Variants in DDB2 observed in about 807,000 individuals in gnomAD.
DDB2 encodes the protein DNA damage-binding protein 2.
Under a neutral mutation model 50.5 loss-of-function variants are expected in DDB2, and 27 were observed. That is an observed-to-expected ratio of 0.53 (90% CI 0.39 to 0.74). The LOEUF is 0.74. Among genes scored for constraint, DDB2 ranks in the 30% least tolerant of loss-of-function variants. The pLI is 0.00. For missense variants in DDB2, 424 were observed against 545.6 expected (o/e 0.78, Z 2.22); for synonymous variants, 176 against 205.5 (o/e 0.86, Z 1.23).
chr11:47,237,872 G>A lies in DDB2; in HGVS notation c.1059G>A (p.Val353=), dbSNP rs780557154. 1.9e-6 allele frequency: 3 copies of A among 1,614,050 alleles called. No individual in the cohort carries two copies. Among genetic ancestry groups the A allele is most frequent in the African/African-American group, 2.7e-5 (2 of 74,968 alleles). ...ATCCTCGCTACAACCTCATTGTTGT[G>A]GGCCGATACCCAGATCCTAATTTCA... The part of the protein sequence containing the change: ...AWHPRYNLIV[V]GRYPDPNFKS... The change falls in exon 8 of 10, where the codon GTG becomes GTA. Residue 353 remains valine, a synonymous_variant. Coordinates refer to ENST00000256996, the MANE Select transcript of DDB2 (RefSeq NM_000107.3).
At position 47,231,802 on chromosome 11, in the gene DDB2, C is replaced by T. The variant is rs948142423; in HGVS notation, c.457-1012C>T. Among the ~76,000 whole-genome samples, 13 of 152,004 alleles carry T rather than the reference C, an allele frequency of 8.6e-5. No homozygotes were observed. In the East Asian group the frequency reaches 1.5e-3, roughly 18 times the overall value. ...CCCCAGGTGTTGGGATTACTGTGCT[C>T]GGTCTATAGGACATTCTATGAGGGC... On this transcript the variant is annotated intron_variant, in intron 3 of 9. Transcript: ENST00000256996.
Position 47,223,249 on chromosome 11 carries a change from C to CATCA in DDB2, c.456+6200_456+6201insATCA, listed in dbSNP as rs1338545794. On this transcript the variant is annotated intron_variant, in intron 3 of 9. Coordinates refer to ENST00000256996, the MANE Select transcript of DDB2 (RefSeq NM_000107.3). Reference sequence around the variant, plus strand: ...CCTGTAATCCCAGCATTTTGGGGGGCCAAGGCAAGTGGATCATTTGCGATC... The same window carrying CATCA: ...CCTGTAATCCCAGCATTTTGGGGGGCATCACAAGGCAAGTGGATCATTTGCGATC... Among the ~76,000 whole-genome samples the CATCA allele has an allele frequency of 5.1e-3, 776 of 152,278 alleles. 1 individual carries two copies. The highest frequency in any genetic ancestry group is 0.017 in the African/African-American group (724 of 41,558).
intron 3 of DDB2, among the ~76,000 whole-genome samples, chr11:47,228,642 C>CAAA (rs61273211): frequency 1.5e-5 from 1 of 66,944 alleles, no homozygotes; most frequent in African/African-American, 5.5e-5. Flanking sequence ...GACTCTGTCT[C>CAAA]AAAAAAAAAA....
intron 1 of DDB2, chr11:47,215,651 A>G (rs1953390859): frequency 3.0e-6 from 1 of 331,754 alleles, no homozygotes; most frequent in Admixed American, 4.3e-5. Flanking sequence ...CTTCCTCCTT[A>G]GAAAGCTCAT....
At chr11:47,235,142 A>T in intron 6 of DDB2, 128 bp from the exon 7 acceptor site, 2 of 1,421,808 alleles carry the variant, frequency 1.4e-6, no homozygotes, top group Non-Finnish European at 2.0e-6. Flanking sequence ...GCCCAGATTC[A>T]CCTCTTCCTT....
At chr11:47,225,477 A>G (rs936803365) in intron 3 of DDB2, among the ~76,000 whole-genome samples, 23 of 151,918 alleles carry the variant, frequency 1.5e-4, no homozygotes, top group Non-Finnish European at 2.9e-4. Flanking sequence ...CTGTAATCCC[A>G]GCTACTGGGG....
chr11:47,228,956 CAAAA>C (rs58216148), intron 3 of DDB2, among the ~76,000 whole-genome samples: 3 of 94,252 alleles, frequency 3.2e-5, no homozygotes, highest in Admixed American at 1.3e-4. Flanking sequence ...GACTCCATCT[CAAAA>C]AAAAAAAAAA....
At chr11:47,220,377 A>T (rs1034404860) in intron 3 of DDB2, 10 of 152,246 alleles carry the variant, frequency 6.6e-5, no homozygotes, top group African/African-American at 1.9e-4. Flanking sequence ...AGTCTAGGAC[A>T]TGGGAATAGA....
intron 3 of DDB2, among the ~76,000 whole-genome samples, chr11:47,225,946 CT>C (rs1387798175): frequency 6.6e-6 from 1 of 152,148 alleles, no homozygotes; most frequent in Non-Finnish European, 1.5e-5. Flanking sequence ...GCAGAATTTC[CT>C]TTTTTAAGGC....
At chr11:47,214,960 C>A (rs1026324079), upstream of DDB2, 2 of 870,188 alleles carry the variant, frequency 2.3e-6, no homozygotes, top group Non-Finnish European at 3.6e-6. Flanking sequence ...CGGGTGGGGC[C>A]GGAGCTCCAA....
chr11:47,229,582 G>A (rs1424240085), intron 3 of DDB2, among the ~76,000 whole-genome samples: 1 of 152,144 alleles, frequency 6.6e-6, no homozygotes, highest in Non-Finnish European at 1.5e-5. Context: ...AGTATATTGA[G>A]TAAAATGGGA....
At chr11:47,218,348 C>T (rs1953430649) in intron 3 of DDB2, among the ~76,000 whole-genome samples, 1 of 152,138 alleles carries the variant, frequency 6.6e-6, no homozygotes, top group South Asian at 2.1e-4. Flanking sequence ...GAGTGAGGGG[C>T]TTGAAGTGTA....
rs747856764 is a variant in DDB2 at position 47,237,910 on chromosome 11, C to G, written c.1097C>G (p.Pro366Arg). Reference protein sequence around the residue: ...YPDPNFKSCTPYELRTIDVFD... With the variant: ...YPDPNFKSCTRYELRTIDVFD... ...GATCCTAATTTCAAAAGTTGTACCC[C>G]TTATGAATTGAGGACGATCGACGTG... Residue 366 changes from proline to arginine, a missense_variant, in exon 8 of 10, where the codon CCT becomes CGT. Coordinates refer to ENST00000256996, the MANE Select transcript of DDB2 (RefSeq NM_000107.3). 6.2e-6 allele frequency: 10 copies of G among 1,614,036 alleles called. No homozygotes were observed. The South Asian group carries it at 1.1e-4, about 18-fold the overall frequency.
chr11:47,228,998 TATCTATC>T (rs1953604456), intron 3 of DDB2, among the ~76,000 whole-genome samples: 1 of 149,350 alleles, frequency 6.7e-6, no homozygotes, highest in African/African-American at 2.4e-5. Context: ...TCTATCTATC[TATCTATC>T]TATCTATCTA....
chr11:47,225,437 A>C (rs1349236336), intron 3 of DDB2, among the ~76,000 whole-genome samples: 1 of 151,730 alleles, frequency 6.6e-6, no homozygotes. Flanking sequence ...CTAAAAACAC[A>C]AAAAATTAGC....
chr11:47,236,408 G>A (rs369018189), intron 7 of DDB2, among the ~76,000 whole-genome samples: 11 of 152,286 alleles, frequency 7.2e-5, no homozygotes, highest in African/African-American at 2.6e-4. Flanking sequence ...TGCAGACTGA[G>A]CTCTGCTAGT....
intron 7 of DDB2, chr11:47,235,707 T>C (rs1953716259): frequency 6.3e-6 from 3 of 479,056 alleles, no homozygotes; most frequent in Non-Finnish European, 1.1e-5. Context: ...TTCTGTCTTC[T>C]CAGCTTCAGT....
At chr11:47,222,585 A>G (rs1953501257) in intron 3 of DDB2, among the ~76,000 whole-genome samples, 1 of 152,198 alleles carries the variant, frequency 6.6e-6, no homozygotes. Context: ...GCCTCAAGCT[A>G]TCCTCCTGCC....
intron 7 of DDB2, 190 bp from the exon 8 acceptor site, chr11:47,237,647 G>A (rs764554542): frequency 3.8e-5 from 23 of 608,208 alleles, no homozygotes; most frequent in Non-Finnish European, 6.3e-5. Context: ...ATGTTAGCCA[G>A]GATGGTCTCG....
Sources: allele counts gnomAD v4.1 joint callset (sites outside exome capture counted in the v4.1 genomes callset), GRCh38; gene constraint gnomAD v4.1.1; transcripts MANE v1.5; gene names NCBI Gene and HGNC (gene_info 2026-07-23, HGNC 2026-07-21).